The following ITGBL1 variants were observed in gnomAD, a reference collection of about 807,000 sequenced individuals.
ITGBL1 encodes integrin beta-like protein 1.
ITGBL1 carries 51 observed loss-of-function variants against 68.5 expected under a neutral mutation model. That is an observed-to-expected ratio of 0.74 (90% CI 0.59 to 0.94). The LOEUF is 0.94. ITGBL1 is among the 40% of genes least tolerant of loss of function. The pLI is 0.00. For missense variants in ITGBL1, 649 were observed against 647.4 expected (o/e 1.00, Z -0.03); for synonymous variants, 209 against 227.3 (o/e 0.92, Z 0.72).
At chr13:101,702,137 C>A (rs534511515) in intron 8 of ITGBL1, among the ~76,000 whole-genome samples, 1 of 152,214 alleles carries the variant, frequency 6.6e-6, no homozygotes, top group East Asian at 1.9e-4. Flanking sequence ...TTATCAGATT[C>A]TTGGACAAAT....
At chr13:101,646,312 C>G (rs1367810152) in intron 7 of ITGBL1, among the ~76,000 whole-genome samples, 1 of 146,646 alleles carries the variant, frequency 6.8e-6, no homozygotes, top group Non-Finnish European at 1.5e-5. Flanking sequence ...TGTTGTATTT[C>G]AGTTAAAAAA....
At position 101,694,627 on chromosome 13, in the gene ITGBL1, G is replaced by T. The variant is rs536966306; in HGVS notation, c.1132+1926G>T. On this transcript the variant is annotated intron_variant, in intron 8 of 10. Transcript: ENST00000376180. ...GGAGATTTGGGGGTCTCACTAAGTG[G>T]CCCAGATTGATCTTGAACTCCTGGG... Among the ~76,000 whole-genome samples, 55 of 152,134 alleles carry T rather than the reference G, an allele frequency of 3.6e-4. 1 individual carries two copies. Among genetic ancestry groups the T allele is most frequent in the Admixed American group, 3.4e-3 (52 of 15,282 alleles).
Position 101,526,757 on chromosome 13 carries a change from T to G in ITGBL1, c.317-40942T>G, listed in dbSNP as rs201709640. Among the ~76,000 whole-genome samples, 89 of 150,970 alleles carry G rather than the reference T, an allele frequency of 5.9e-4. No homozygotes were observed. In the East Asian group the frequency reaches 0.016, roughly 28 times the overall value. On this transcript the variant is annotated intron_variant, in intron 2 of 10. Coordinates refer to ENST00000376180, the MANE Select transcript of ITGBL1 (RefSeq NM_004791.3). The stretch of plus-strand genomic sequence containing the variant: ...CTAGTTAGCATTTTTCTATAATATA[T>G]TTTTATGTTTATTCATCTATAATGC...
intron 9 of ITGBL1, among the ~76,000 whole-genome samples, chr13:101,708,330 T>C (rs955391539): frequency 6.6e-6 from 1 of 152,150 alleles, no homozygotes; most frequent in Admixed American, 6.5e-5. Context: ...TTCCCAGCTC[T>C]CCTCTTCAGC....
intron 2 of ITGBL1, among the ~76,000 whole-genome samples, chr13:101,470,472 G>A (rs1004890258): frequency 6.6e-6 from 1 of 152,024 alleles, no homozygotes; most frequent in Non-Finnish European, 1.5e-5. Context: ...TAAAGTAGAC[G>A]TGGTGTTTGT....
intron 2 of ITGBL1, among the ~76,000 whole-genome samples, chr13:101,517,168 G>A (rs1832093): frequency 0.56 from 84,457 of 151,790 alleles, 24,370 homozygotes; most frequent in African/African-American, 0.72. Context: ...TTTTATATTT[G>A]CATTTCAGGC....
chr13:101,667,042 C>T (rs772137209), intron 7 of ITGBL1, among the ~76,000 whole-genome samples: 10 of 152,176 alleles, frequency 6.6e-5, no homozygotes, highest in East Asian at 3.8e-4. Flanking sequence ...GATTATCTGT[C>T]GCTCTCCAGA....
intron 2 of ITGBL1, among the ~76,000 whole-genome samples, chr13:101,548,355 C>G (rs2049863036): frequency 1.3e-5 from 2 of 151,786 alleles, no homozygotes; most frequent in African/African-American, 2.4e-5. Context: ...ATCTTAGTAT[C>G]TTTTAATATC....
chr13:101,557,127 A>G (rs377287403), intron 2 of ITGBL1, among the ~76,000 whole-genome samples: 17 of 152,166 alleles, frequency 1.1e-4, no homozygotes, highest in African/African-American at 3.9e-4. Flanking sequence ...GGCTGTGGGC[A>G]GAGATTTTTC....
chr13:101,473,629 G>A (rs573356805), intron 2 of ITGBL1, among the ~76,000 whole-genome samples: 2 of 152,320 alleles, frequency 1.3e-5, no homozygotes, highest in South Asian at 2.1e-4. Flanking sequence ...TGGGCTTGGA[G>A]CCAGTGGATG....
chr13:101,497,548 T>C (rs1045627647), intron 2 of ITGBL1, among the ~76,000 whole-genome samples: 3 of 152,256 alleles, frequency 2.0e-5, no homozygotes, highest in African/African-American at 7.2e-5. Flanking sequence ...TGAAAAGTTC[T>C]ACGTAATTGA....
intron 7 of ITGBL1, among the ~76,000 whole-genome samples, chr13:101,656,775 C>T (rs2032938002): frequency 6.6e-6 from 1 of 152,038 alleles, no homozygotes; most frequent in African/African-American, 2.4e-5. Flanking sequence ...GTATGTAATA[C>T]ATCGATTGCA....
intron 7 of ITGBL1, among the ~76,000 whole-genome samples, chr13:101,660,892 CTGGGAT>C (rs2139478064): frequency 6.6e-6 from 1 of 152,256 alleles, no homozygotes; most frequent in Admixed American, 6.5e-5. Flanking sequence ...AGGAGGTTGT[CTGGGAT>C]TGAGAAACAC....
At chr13:101,468,222 C>A (rs1264592781) in intron 2 of ITGBL1, among the ~76,000 whole-genome samples, 1 of 152,104 alleles carries the variant, frequency 6.6e-6, no homozygotes, top group Admixed American at 6.6e-5. Context: ...TAAGAGCTGT[C>A]TTGACATGGA....
At position 101,689,211 on chromosome 13, in the gene ITGBL1, T is replaced by TA. The variant is rs34627046; in HGVS notation, c.1016-3352dup. ...CCTGGGGACAGAGCAAGACTCTGCC[T>TA]AAAAAAAAAAAAAAAAAAAAAATTA... On this transcript the variant is annotated intron_variant, in intron 7 of 10. Coordinates refer to ENST00000376180, the MANE Select transcript of ITGBL1 (RefSeq NM_004791.3). Among the ~76,000 whole-genome samples, 49 of 74,866 alleles carry TA rather than the reference T, an allele frequency of 6.5e-4. 2 individuals carry two copies. In the East Asian group the frequency reaches 0.011, roughly 17 times the overall value. 49.1% of individuals were successfully genotyped at this position (74,866 alleles called of 152,430 possible). A position where few individuals can be genotyped will look rare whatever the true frequency, so the allele number is the denominator to read the frequency against.
At chr13:101,671,499 C>T (rs61965091) in intron 7 of ITGBL1, among the ~76,000 whole-genome samples, 6,946 of 124,922 alleles carry the variant, frequency 0.056, 241 homozygotes, top group Middle Eastern at 0.09. Context: ...AGTGCAGTGG[C>T]GTGATCTCGG....
intron 3 of ITGBL1, among the ~76,000 whole-genome samples, chr13:101,571,204 CA>C (rs1234880971): frequency 6.6e-6 from 1 of 152,080 alleles, no homozygotes; most frequent in Non-Finnish European, 1.5e-5. Flanking sequence ...CTTATTTGCT[CA>C]ATCCTATACT....
intron 7 of ITGBL1, among the ~76,000 whole-genome samples, chr13:101,611,752 C>T (rs1594929572): frequency 6.6e-6 from 1 of 152,040 alleles, no homozygotes; most frequent in Non-Finnish European, 1.5e-5. Context: ...CTCCCTTTAA[C>T]CTCTCTTTGC....
intron 7 of ITGBL1, among the ~76,000 whole-genome samples, chr13:101,613,946 G>A (rs1301119441): frequency 6.6e-6 from 1 of 151,878 alleles, no homozygotes; most frequent in African/African-American, 2.4e-5. Flanking sequence ...TGAGCAAACA[G>A]GGCTTTAGGG....
Sources: allele counts gnomAD v4.1 joint callset (sites outside exome capture counted in the v4.1 genomes callset), GRCh38; gene constraint gnomAD v4.1.1; transcripts MANE v1.5; gene names NCBI Gene and HGNC (gene_info 2026-07-23, HGNC 2026-07-21).